The following RXRB variants were observed in gnomAD, a reference collection of about 807,000 sequenced individuals.
RXRB encodes the protein retinoic acid receptor RXR-beta.
Under a neutral mutation model 52.5 loss-of-function variants are expected in RXRB, and 18 were observed. That is an observed-to-expected ratio of 0.34 (90% CI 0.24 to 0.51). The LOEUF (loss-of-function observed/expected upper bound fraction) is 0.51. Ranked by LOEUF, RXRB falls within the 20% of genes least tolerant of loss-of-function variation. RXRB has a pLI of 0.97. For synonymous variants in RXRB, 233 were observed against 267.1 expected, an observed-to-expected ratio of 0.87 and a Z score of 1.25; for missense variants, 455 against 698.2, an observed-to-expected ratio of 0.65 and a Z score of 3.92.
At position 33,194,829 on chromosome 6, in the gene RXRB, C is replaced by G; in HGVS notation, c.1455G>C (p.Arg485=). Residue 485 remains arginine, a splice_region_variant and synonymous_variant, in exon 10 of 10, where the codon CGG becomes CGC. Coordinates refer to ENST00000374680, the MANE Select transcript of RXRB (RefSeq NM_021976.5). This position sits in a 1 kb window ranked among gnomAD's most constrained non-coding sequence, Gnocchi z 4.1. The part of the protein sequence containing the change: ...CKQKYPEQQG[R]FAKLLLRLPA... ...GAAGACGTAGCAGCAGCTTGGCAAA[C>G]CTGGGGTGGAGGTGGGAGAAGGGGA... 1 of 1,612,548 alleles carries G rather than the reference C, an allele frequency of 6.2e-7. No homozygotes were observed. Among genetic ancestry groups the G allele is most frequent in the Non-Finnish European group, 8.5e-7 (1 of 1,179,936 alleles).
rs1485808225 is a variant in RXRB at position 33,197,424 on chromosome 6, C to T, written c.820+338G>A. ...GAGTTAGAGGAAAGATCACAGATAACAGGAGACAGAGACCAGAGAAGGTCC... is the reference window on the plus strand; with the variant it reads ...GAGTTAGAGGAAAGATCACAGATAATAGGAGACAGAGACCAGAGAAGGTCC... On this transcript the variant is annotated intron_variant, in intron 4 of 9. Transcript: ENST00000374680. The surrounding 1 kb of genome is among the most constrained non-coding windows in gnomAD (Gnocchi z 4.4). Among the ~76,000 whole-genome samples, 1 of 152,146 alleles carries T rather than the reference C, an allele frequency of 6.6e-6. No individual in the cohort carries two copies. Among genetic ancestry groups the T allele is most frequent in the Non-Finnish European group, 1.5e-5 (1 of 68,026 alleles).
intron 2 of RXRB, chr6:33,198,685 G>A: frequency 1.5e-6 from 1 of 679,302 alleles, no homozygotes; most frequent in South Asian, 1.5e-5. Context: ...TGACCCTGAA[G>A]GGCAGGTGTC....
At position 33,194,690 on chromosome 6, in the gene RXRB, G is replaced by A; in HGVS notation, c.1594C>T (p.Leu532=). The part of the protein sequence containing the change: ...LMEMLEAPHQ[L]A ...CACGTCTGGGTCTGAGCTCAGGCCA[G>A]TTGATGGGGAGCCTCAAGCATCTCC... Residue 532 remains leucine (L), a synonymous_variant, in exon 10 of 10, where the codon CTG becomes TTG. Transcript: ENST00000374680. This position sits in a 1 kb window ranked among gnomAD's most constrained non-coding sequence, Gnocchi z 4.1. 6.2e-7 allele frequency: 1 copy of A among 1,613,042 alleles called. No homozygotes were observed. The highest frequency in any genetic ancestry group is 8.5e-7 in the Non-Finnish European group (1 of 1,179,966).
chr6:33,195,066 A>G lies in RXRB; in HGVS notation c.1349-16T>C. The G allele has an allele frequency of 6.4e-7, 1 of 1,557,936 alleles. No homozygotes were observed. Among genetic ancestry groups the G allele is most frequent in the Non-Finnish European group, 8.8e-7 (1 of 1,130,166 alleles). ...CCCTTGGCATCTGGGATGGCAGGGA[A>G]GAGAGGAGGAAGAGAAATGAAGACA... On this transcript the variant is annotated splice_polypyrimidine_tract_variant and intron_variant, in intron 8 of 9. Coordinates refer to ENST00000374680, the MANE Select transcript of RXRB (RefSeq NM_021976.5). This position sits in a 1 kb window ranked among gnomAD's most constrained non-coding sequence, Gnocchi z 8.6.
chr6:33,199,521 AC>A, intron 1 of RXRB, 105 bp from the exon 2 acceptor site: 1 of 945,908 alleles, frequency 1.1e-6, no homozygotes, highest in South Asian at 4.0e-5. Flanking sequence ...ATTCTCTAAT[AC>A]CCCACCGTGC....
In RXRB at chr6:33,194,486, C is replaced by T. The variant is rs777543496; in HGVS notation, c.*196G>A. 1.4e-5 allele frequency: 8 copies of T among 571,452 alleles called. No homozygotes were observed. The highest frequency in any genetic ancestry group is 5.6e-5 in the African/African-American group (3 of 53,316). The allele number at this position is 571,452 out of a possible 1,614,324, so 35.4% of individuals were successfully genotyped here. A position where few individuals can be genotyped will look rare whatever the true frequency, so the allele number is the denominator to read the frequency against. On this transcript the variant is annotated 3_prime_UTR_variant, in exon 10 of 10. Transcript: ENST00000374680. This position sits in a 1 kb window ranked among gnomAD's most constrained non-coding sequence, Gnocchi z 4.1. ...GGCCACCGAAGAGAGACAACCAGTC[C>T]TCACAGGTATCTGGGGTCCCTTCCA...
chr6:33,195,661 T>TG lies in RXRB; in HGVS notation c.1164dup (p.Ile389HisfsTer2). On this transcript the variant is annotated frameshift_variant, in exon 7 of 10. Coordinates refer to ENST00000374680, the MANE Select transcript of RXRB (RefSeq NM_021976.5). LOFTEE classifies it high-confidence loss of function. This position sits in a 1 kb window ranked among gnomAD's most constrained non-coding sequence, Gnocchi z 8.6. ...AGGAGGATGCCATCTCGAACATCAATGGATCGGTGTGAGAAGGAGGCAATG... is the reference window on the plus strand; with the variant it reads ...AGGAGGATGCCATCTCGAACATCAATGGGATCGGTGTGAGAAGGAGGCAATG... 1 of 1,612,828 alleles carries TG rather than the reference T, an allele frequency of 6.2e-7. No homozygotes were observed. The highest frequency in any genetic ancestry group is 8.5e-7 in the Non-Finnish European group (1 of 1,179,976).
rs192898380 is a variant in RXRB at position 33,195,233 on chromosome 6, T to C, written c.1348+130A>G. 124 of 784,892 alleles carry C rather than the reference T, an allele frequency of 1.6e-4. No individual in the cohort carries two copies. Among genetic ancestry groups the C allele is most frequent in the Non-Finnish European group, 2.6e-4 (119 of 460,800 alleles). The allele number at this position is 784,892 out of a possible 1,614,324, so 48.6% of individuals were successfully genotyped here. A position where few individuals can be genotyped will look rare whatever the true frequency, so the allele number is the denominator to read the frequency against. On this transcript the variant is annotated intron_variant, in intron 8 of 9. Transcript: ENST00000374680. The surrounding 1 kb of genome is among the most constrained non-coding windows in gnomAD (Gnocchi z 8.6). ...TGGATCCGTGGATGTGGGTTTTTCC[T>C]CGGCCAGTTGGGAGATTTCCAGGTT...
chr6:33,196,681 G>GTAAGGATATTTGT lies in RXRB; in HGVS notation c.821-76_821-75insACAAATATCCTTA. The GTAAGGATATTTGT allele has an allele frequency of 7.7e-7, 1 of 1,290,526 alleles. No individual in the cohort carries two copies. Among genetic ancestry groups the GTAAGGATATTTGT allele is most frequent in the Non-Finnish European group, 1.1e-6 (1 of 926,064 alleles). The allele number at this position is 1,290,526 out of a possible 1,614,324, so 79.9% of individuals were successfully genotyped here. On this transcript the variant is annotated intron_variant, in intron 4 of 9. Coordinates refer to ENST00000374680, the MANE Select transcript of RXRB (RefSeq NM_021976.5). This position sits in a 1 kb window ranked among gnomAD's most constrained non-coding sequence, Gnocchi z 4.0. ...GAAGGGGTTCCACAAATATCCTTAC[G>GTAAGGATATTTGT]GCCTCATCAGGATCTCATGGCCCTT... is the stretch of plus-strand genomic sequence containing the variant.
Position 33,200,313 on chromosome 6 carries a change from C to CCTGCCA in RXRB, c.158_163dup (p.Val53_Ala54dup), listed in dbSNP as rs1774387604. 1.3e-6 allele frequency: 2 copies of CCTGCCA among 1,595,010 alleles called. No individual in the cohort carries two copies. The highest frequency in any genetic ancestry group is 1.7e-6 in the Non-Finnish European group (2 of 1,174,512). On this transcript the variant is annotated inframe_insertion, in exon 1 of 10. Coordinates refer to ENST00000374680, the MANE Select transcript of RXRB (RefSeq NM_021976.5). The surrounding 1 kb of genome is among the most constrained non-coding windows in gnomAD (Gnocchi z 6.3). ...CGGCTCCGGGGTTTGTTGTTCTCCG[C>CCTGCCA]CTGCCACCGCCGCCGCCGCCGCCGC...
At position 33,199,283 on chromosome 6, in the gene RXRB, C is replaced by T. The variant is rs762163349; in HGVS notation, c.369G>A (p.Pro123=). The change falls in exon 2 of 10, where the codon CCG becomes CCA. Residue 123 remains proline (P), a synonymous_variant. Coordinates refer to ENST00000374680, the MANE Select transcript of RXRB (RefSeq NM_021976.5). ...GAGAGCCCAGTGGGGGTGGTGGCAT[C>T]GGGGGTGGGGGTGGGGCCCCAGAGC... ...LGGSGAPPPP[P]MPPPPLGSPF... 7.0e-5 allele frequency: 3 copies of T among 43,022 alleles called. No homozygotes were observed. The highest frequency in any genetic ancestry group is 9.8e-5 in the Non-Finnish European group (3 of 30,572). The allele number at this position is 43,022 out of a possible 1,614,324, so 2.7% of individuals were successfully genotyped here. A position where few individuals can be genotyped will look rare whatever the true frequency, so the allele number is the denominator to read the frequency against.
At position 33,196,076 on chromosome 6, in the gene RXRB, A is replaced by G. The variant is rs1363080370; in HGVS notation, c.994-40T>C. ...GGTAAGAGTTATGGAAGATTTTGAG[A>G]TATGCTGGGAGCCCCCTTGTAAGAG... On this transcript the variant is annotated intron_variant, in intron 5 of 9. Coordinates refer to ENST00000374680, the MANE Select transcript of RXRB (RefSeq NM_021976.5). This position sits in a 1 kb window ranked among gnomAD's most constrained non-coding sequence, Gnocchi z 4.0. The G allele has an allele frequency of 3.7e-6, 6 of 1,611,294 alleles. No individual in the cohort carries two copies. The highest frequency in any genetic ancestry group is 1.1e-5 in the South Asian group (1 of 91,044).
In RXRB at chr6:33,196,108, G is replaced by A. The variant is rs1773874031; in HGVS notation, c.994-72C>T. 1.9e-6 allele frequency: 3 copies of A among 1,582,634 alleles called. No individual in the cohort carries two copies. The highest frequency in any genetic ancestry group is 1.3e-5 in the African/African-American group (1 of 74,446). On this transcript the variant is annotated intron_variant, in intron 5 of 9. Transcript: ENST00000374680. The surrounding 1 kb of genome is among the most constrained non-coding windows in gnomAD (Gnocchi z 4.0). Reference sequence around the variant, plus strand: ...GGGAGCCCCCTTGTAAGAGGCTTTTGACACCCCCTCCTTACATATAGTCTT... The same window carrying A: ...GGGAGCCCCCTTGTAAGAGGCTTTTAACACCCCCTCCTTACATATAGTCTT...
rs1773885273 is a variant in RXRB at position 33,196,257 on chromosome 6, GA to G, written c.993+176del. On this transcript the variant is annotated intron_variant, in intron 5 of 9. Transcript: ENST00000374680. This position sits in a 1 kb window ranked among gnomAD's most constrained non-coding sequence, Gnocchi z 4.0. ...GTGGGTTGTTTGGGGAGTGGAGACA[GA>G]AGGAGCTATCACATCCACCTCAGAT... 2 of 916,182 alleles carry G rather than the reference GA, an allele frequency of 2.2e-6. No individual in the cohort carries two copies. Among genetic ancestry groups the G allele is most frequent in the East Asian group, 4.9e-5 (2 of 41,204 alleles). 56.8% of individuals were successfully genotyped at this position (916,182 alleles called of 1,614,324 possible). A position where few individuals can be genotyped will look rare whatever the true frequency, so the allele number is the denominator to read the frequency against.
chr6:33,197,073 T>C lies in RXRB; in HGVS notation c.821-467A>G, dbSNP rs1773963095. On this transcript the variant is annotated intron_variant, in intron 4 of 9. Transcript: ENST00000374680. The surrounding 1 kb of genome is among the most constrained non-coding windows in gnomAD (Gnocchi z 4.4). ...AATTCATATAATACATGGCAGGTCA[T>C]ACAACTGACTCTAAGTGTGTCTGAG... 6.6e-6 allele frequency among the ~76,000 whole-genome samples: 1 copy of C among 152,206 alleles called. No individual in the cohort carries two copies. The highest frequency in any genetic ancestry group is 1.5e-5 in the Non-Finnish European group (1 of 68,040).
Position 33,200,512 on chromosome 6 carries a change from C to A in RXRB, c.-36G>T. ...TGAGAGTAGGGATACCGAAGAGGTC[C>A]CAGGGATTCCCAAGGATTGATCGGA... On this transcript the variant is annotated 5_prime_UTR_variant, in exon 1 of 10. Transcript: ENST00000374680. The surrounding 1 kb of genome is among the most constrained non-coding windows in gnomAD (Gnocchi z 6.3). The A allele has an allele frequency of 6.4e-7, 1 of 1,553,758 alleles. No homozygotes were observed. Among genetic ancestry groups the A allele is most frequent in the Non-Finnish European group, 8.7e-7 (1 of 1,151,638 alleles).
In RXRB at chr6:33,196,605, C is replaced by A; in HGVS notation, c.822G>T (p.Ala274=). ...KCLATGMKRE[A]VQEERQRGKD... The stretch of plus-strand genomic sequence containing the variant: ...TTCCCCGCTGACGCTCCTCCTGTAC[C>A]GCTGCAGGGGGAAGGGGGAGAGAAA... The change falls in exon 5 of 10, where the codon GCG becomes GCT. Residue 274 remains alanine (A), a splice_region_variant and synonymous_variant. Transcript: ENST00000374680. The surrounding 1 kb of genome is among the most constrained non-coding windows in gnomAD (Gnocchi z 4.0). 6.3e-7 allele frequency: 1 copy of A among 1,596,730 alleles called. No homozygotes were observed. The highest frequency in any genetic ancestry group is 8.5e-7 in the Non-Finnish European group (1 of 1,171,662).
At position 33,200,204 on chromosome 6, in the gene RXRB, G is replaced by T. The variant is rs1435523339; in HGVS notation, c.235+38C>A. The T allele has an allele frequency of 2.5e-6, 4 of 1,598,342 alleles. No homozygotes were observed. Among genetic ancestry groups the T allele is most frequent in the Non-Finnish European group, 3.4e-6 (4 of 1,172,816 alleles). On this transcript the variant is annotated intron_variant, in intron 1 of 9. Coordinates refer to ENST00000374680, the MANE Select transcript of RXRB (RefSeq NM_021976.5). This position sits in a 1 kb window ranked among gnomAD's most constrained non-coding sequence, Gnocchi z 6.3. ...GTGGGGGAGGGGTCGCAGATAAAGC[G>T]GTCACTGGCTCGCCTGCCCTTCTGC...
In RXRB at chr6:33,196,283, T is replaced by C. The variant is rs750335441; in HGVS notation, c.993+151A>G. ...AAGGAGCTATCACATCCACCTCAGA[T>C]GTTTGAAAGACCTTGTTTGGCAGCA... On this transcript the variant is annotated intron_variant, in intron 5 of 9. Coordinates refer to ENST00000374680, the MANE Select transcript of RXRB (RefSeq NM_021976.5). This position sits in a 1 kb window ranked among gnomAD's most constrained non-coding sequence, Gnocchi z 4.0. The C allele has an allele frequency of 7.2e-6, 7 of 975,156 alleles. No individual in the cohort carries two copies. Among genetic ancestry groups the C allele is most frequent in the Non-Finnish European group, 1.1e-5 (7 of 608,888 alleles). The allele number at this position is 975,156 out of a possible 1,614,324, so 60.4% of individuals were successfully genotyped here.
Sources: gnomAD v4.1 joint callset for allele counts (sites outside exome capture counted in the v4.1 genomes callset) on GRCh38, gnomAD v4.1.1 for gene constraint, Gnocchi (gnomAD v3.1) non-coding constraint, MANE v1.5 for transcripts, NCBI Gene and HGNC (gene_info 2026-07-23, HGNC 2026-07-21) for gene names.